Variants in CEP192 observed in about 807,000 individuals in gnomAD.
CEP192 encodes centrosomal protein of 192 kDa.
In CEP192, 151 loss-of-function variants were observed where a neutral mutation model predicts 271.8. That is an observed-to-expected ratio of 0.56 (90% CI 0.49 to 0.64). CEP192 has a LOEUF of 0.64. CEP192 is among the 30% of genes least tolerant of loss of function. The pLI, the probability that CEP192 is intolerant of heterozygous loss-of-function variation, is 0.00. For synonymous variants in CEP192, 995 were observed against 1,076.5 expected, an observed-to-expected ratio of 0.92 and a Z score of 1.48; for missense variants, 2,910 against 3,020.5, an observed-to-expected ratio of 0.96 and a Z score of 0.86.
At chr18:13,079,735 G>A (rs922243556) in intron 30 of CEP192, among the ~76,000 whole-genome samples, 1 of 152,158 alleles carries the variant, frequency 6.6e-6, no homozygotes, top group Non-Finnish European at 1.5e-5. Flanking sequence ...AAATGGTATT[G>A]CCTAGGTTTT....
At chr18:13,041,089 T>A in intron 14 of CEP192, 133 bp downstream of exon 14, 1 of 697,080 alleles carries the variant, frequency 1.4e-6, no homozygotes, top group Non-Finnish European at 2.2e-6. Context: ...GTGTTGGTTA[T>A]AGATTTGATT....
rs1391015867 is a variant in CEP192 at position 13,018,488 on chromosome 18, A to T, written c.798A>T (p.Glu266Asp). 4 of 1,523,772 alleles carry T rather than the reference A, an allele frequency of 2.6e-6. No homozygotes were observed. In the Admixed American group the frequency reaches 8.4e-5, roughly 32 times the overall value. 94.4% of individuals were successfully genotyped at this position (1,523,772 alleles called of 1,614,324 possible). Residue 266 changes from glutamate to aspartate, a missense_variant, in exon 8 of 45, where the codon GAA (glutamate) becomes GAT (aspartate). Glu to Asp is a conservative substitution (Grantham distance 45). Transcript: ENST00000506447. ...AGATATTCTTTCAACAGGCAAATGA[A>T]AACGGTAGCTTAAACTGCAAGTTTC... is the stretch of plus-strand genomic sequence containing the variant. ...LPTNGLRQAN[E>D]NGSLNCKFQS...
rs558806847 is a variant in CEP192 at position 12,995,315 on chromosome 18, C to G, written c.-5+3878C>G. On this transcript the variant is annotated intron_variant, in intron 1 of 44. Transcript: ENST00000506447. ...TCCTGACCTCGTGATCCGCCCGCCT[C>G]GGCCTCCCAAAGTGCTGGGATTACA... 1.1e-4 allele frequency among the ~76,000 whole-genome samples: 16 copies of G among 152,168 alleles called. 1 individual carries two copies. In the East Asian group the frequency reaches 2.9e-3, roughly 28 times the overall value.
In CEP192 at chr18:12,999,451, A is replaced by C. The variant is rs748072561; in HGVS notation, c.27A>C (p.Glu9Asp). 1 of 1,549,292 alleles carries C rather than the reference A, an allele frequency of 6.5e-7. No individual in the cohort carries two copies. The highest frequency in any genetic ancestry group is 1.2e-5 in the South Asian group (1 of 83,428). Residue 9 changes from glutamate (E) to aspartate (D), a missense_variant, in exon 2 of 45, where the codon GAA (glutamate) becomes GAC (aspartate). By Grantham distance (45) the Glu-to-Asp change is conservative. Coordinates refer to ENST00000506447, the MANE Select transcript of CEP192 (RefSeq NM_032142.4). MEDFRGIA[E>D]ESFPSFLTNS... is the part of the protein sequence containing the mutation. ...TGGAAGATTTTCGAGGTATAGCAGA[A>C]GAATCATTTCCAAGCTTTCTCACCA...
chr18:13,084,134 G>C (rs2038769949), intron 30 of CEP192, among the ~76,000 whole-genome samples: 1 of 152,210 alleles, frequency 6.6e-6, no homozygotes, highest in African/African-American at 2.4e-5. Flanking sequence ...GTCATGCTGG[G>C]AGAACCACTG....
intron 32 of CEP192, among the ~76,000 whole-genome samples, chr18:13,087,900 T>C (rs2038970449): frequency 6.6e-6 from 1 of 152,232 alleles, no homozygotes; most frequent in South Asian, 2.1e-4. Context: ...ACTCTTCCCT[T>C]ACTCAGTAGG....
At chr18:13,012,153 C>G (rs1180824305) in intron 4 of CEP192, among the ~76,000 whole-genome samples, 2 of 152,074 alleles carry the variant, frequency 1.3e-5, no homozygotes, top group African/African-American at 4.8e-5. Flanking sequence ...TGGAAGGTAG[C>G]GGGAATGGGG....
At chr18:13,119,050 C>G (rs976748641) in intron 44 of CEP192, among the ~76,000 whole-genome samples, 11 of 152,138 alleles carry the variant, frequency 7.2e-5, no homozygotes, top group Admixed American at 6.5e-4. Context: ...GTAGGCTGCC[C>G]CAATTGATTT....
chr18:13,063,066 TC>T (rs572179658), intron 21 of CEP192, among the ~76,000 whole-genome samples: 4 of 152,382 alleles, frequency 2.6e-5, no homozygotes, highest in South Asian at 2.1e-4. Context: ...ATCTCATTCT[TC>T]CTATGGCTGA....
rs1452607645 is a variant in CEP192 at position 13,080,344 on chromosome 18, T to G, written c.5617-6673T>G. ...GTGGTTTGTAGTTCTCCTTGAAGAG[T>G]TCCTTCACATCCCTTGTAAGTTGGA... On this transcript the variant is annotated intron_variant, in intron 30 of 44. Transcript: ENST00000506447. 1.1e-4 allele frequency among the ~76,000 whole-genome samples: 16 copies of G among 152,048 alleles called. No homozygotes were observed. In the East Asian group the frequency reaches 2.9e-3, roughly 28 times the overall value.
intron 18 of CEP192, 74 bp from the exon 19 acceptor site, chr18:13,055,705 CT>C: frequency 9.3e-7 from 1 of 1,078,258 alleles, no homozygotes; most frequent in Admixed American, 2.6e-5. Context: ...GTTACTTGAG[CT>C]TTTGCCAGCA....
In CEP192 at chr18:13,072,675, G is replaced by A. The variant is rs1026930213; in HGVS notation, c.5349-80G>A. On this transcript the variant is annotated intron_variant, in intron 28 of 44. Coordinates refer to ENST00000506447, the MANE Select transcript of CEP192 (RefSeq NM_032142.4). ...TAGTCCATCTCTAGACATTGTGGTT[G>A]GTTTTAATTGGCTTTATTCTTATAA... 7.6e-6 allele frequency: 7 copies of A among 927,128 alleles called. No individual in the cohort carries two copies. In the African/African-American group the frequency reaches 1.1e-4, roughly 15 times the overall value. The allele number at this position is 927,128 out of a possible 1,614,324, so 57.4% of individuals were successfully genotyped here.
chr18:13,040,687 T>A, intron 13 of CEP192, 143 bp from the exon 14 acceptor site: 1 of 565,366 alleles, frequency 1.8e-6, no homozygotes, highest in South Asian at 2.8e-5. Flanking sequence ...CCTTTGAAGG[T>A]CATCTCTAGT....
At chr18:13,033,150 T>G (rs566829630) in intron 11 of CEP192, among the ~76,000 whole-genome samples, 82 of 152,286 alleles carry the variant, frequency 5.4e-4, no homozygotes, top group Non-Finnish European at 1.0e-3. Context: ...TCGTAAAAAG[T>G]TTTTAAAAAT....
chr18:12,996,217 G>T (rs770704923), intron 1 of CEP192, among the ~76,000 whole-genome samples: 60 of 142,652 alleles, frequency 4.2e-4, no homozygotes, highest in African/African-American at 1.3e-3. Flanking sequence ...GGGTTGGGGG[G>T]TAGGTTGGGG....
chr18:13,061,841 A>T (rs1402384019), intron 21 of CEP192, among the ~76,000 whole-genome samples: 1 of 152,178 alleles, frequency 6.6e-6, no homozygotes, highest in Non-Finnish European at 1.5e-5. Flanking sequence ...CCTTTTCCCC[A>T]CTGTGATAAC....
chr18:13,021,307 TCTAA>T (rs2034980161), intron 9 of CEP192, among the ~76,000 whole-genome samples: 1 of 152,202 alleles, frequency 6.6e-6, no homozygotes, highest in Admixed American at 6.5e-5. Context: ...TAGGTAAGGG[TCTAA>T]CTAACATCAT....
intron 33 of CEP192, 136 bp from the exon 34 acceptor site, chr18:13,092,241 T>C: frequency 1.8e-6 from 1 of 564,030 alleles, no homozygotes; most frequent in Non-Finnish European, 3.0e-6. Flanking sequence ...CCAGGTGGTA[T>C]ACTGCTAATC....
intron 39 of CEP192, among the ~76,000 whole-genome samples, chr18:13,104,601 G>C (rs1382784057): frequency 3.3e-5 from 5 of 152,132 alleles, no homozygotes; most frequent in Non-Finnish European, 7.4e-5. Flanking sequence ...AACAGAGTCA[G>C]ACCCTGTCTT....
Sources: gnomAD v4.1 joint callset for allele counts (sites outside exome capture counted in the v4.1 genomes callset) on GRCh38, gnomAD v4.1.1 for gene constraint, MANE v1.5 for transcripts, NCBI Gene and HGNC (gene_info 2026-07-23, HGNC 2026-07-21) for gene names.